Variants in PLAG1 observed in about 807,000 individuals in gnomAD.
PLAG1 encodes the protein zinc finger protein PLAG1.
Under a neutral mutation model 35.5 loss-of-function variants are expected in PLAG1, and 7 were observed. The ratio of observed to expected loss-of-function variants is 0.20; its 90% CI spans 0.11 to 0.37. PLAG1 has a LOEUF of 0.37. PLAG1 is among the 10% of genes least tolerant of loss of function. PLAG1 has a pLI of 1.00. For synonymous variants in PLAG1, 229 were observed against 225.4 expected, an observed-to-expected ratio of 1.02 and a Z score of -0.14; for missense variants, 454 against 602.8, an observed-to-expected ratio of 0.75 and a Z score of 2.58.
chr8:56,200,181 A>G (rs1216708779), intron 1 of PLAG1, among the ~76,000 whole-genome samples: 2 of 152,138 alleles, frequency 1.3e-5, no homozygotes, highest in Admixed American at 6.5e-5. Flanking sequence ...TCTTGGCTCT[A>G]CAGCTACCTC....
intron 1 of PLAG1, among the ~76,000 whole-genome samples, chr8:56,201,380 T>C (rs2129234332): frequency 6.6e-6 from 1 of 152,320 alleles, no homozygotes; most frequent in Admixed American, 6.5e-5. Flanking sequence ...TAAAATTACC[T>C]ATTTAAGATC....
intron 1 of PLAG1, among the ~76,000 whole-genome samples, chr8:56,210,081 C>T (rs902685870): frequency 6.6e-6 from 1 of 152,102 alleles, no homozygotes; most frequent in African/African-American, 2.4e-5. Context: ...CCCTGCTTCT[C>T]TTGCATCGGA....
At chr8:56,197,214 C>T (rs570091946) in intron 1 of PLAG1, among the ~76,000 whole-genome samples, 1 of 152,242 alleles carries the variant, frequency 6.6e-6, no homozygotes, top group South Asian at 2.1e-4. Flanking sequence ...TCCCCAAATC[C>T]TGGTGGGACT....
chr8:56,199,139 T>TGCGAAACCTGGGGAATGCC lies in PLAG1; in HGVS notation c.-322+11981_-322+11982insGGCATTCCCCAGGTTTCGC, dbSNP rs1485591179. 1.9e-4 allele frequency among the ~76,000 whole-genome samples: 29 copies of TGCGAAACCTGGGGAATGCC among 152,140 alleles called. 1 individual carries two copies. Among genetic ancestry groups the TGCGAAACCTGGGGAATGCC allele is most frequent in the Non-Finnish European group, 4.1e-4 (28 of 68,022 alleles). On this transcript the variant is annotated intron_variant, in intron 1 of 4. Coordinates refer to ENST00000316981, the MANE Select transcript of PLAG1 (RefSeq NM_002655.3). The stretch of plus-strand genomic sequence containing the variant: ...CACTGAGAAGTGGACTGGGGAATGC[T>TGCGAAACCTGGGGAATGCC]GCGAACCCTGGGGAATGCCAAAATG...
intron 3 of PLAG1, among the ~76,000 whole-genome samples, chr8:56,170,298 C>T (rs141939976): frequency 2.0e-5 from 3 of 152,238 alleles, no homozygotes; most frequent in Non-Finnish European, 2.9e-5. Flanking sequence ...CCAATGGTAA[C>T]ATATGTTCTT....
chr8:56,192,861 AC>A (rs1812228175), intron 1 of PLAG1, among the ~76,000 whole-genome samples: 1 of 152,192 alleles, frequency 6.6e-6, no homozygotes, highest in Non-Finnish European at 1.5e-5. Flanking sequence ...CAGAACTCAG[AC>A]TTGGGGGAAA....
At chr8:56,196,951 C>CGTGTGTGTGTGTGT (rs10534078) in intron 1 of PLAG1, among the ~76,000 whole-genome samples, 11 of 142,962 alleles carry the variant, frequency 7.7e-5, no homozygotes, top group African/African-American at 2.7e-4. Context: ...CCCTAGTGTG[C>CGTGTGTGTGTGTGT]GTGTGTGTGT....
At chr8:56,173,494 T>G (rs565641494) in intron 2 of PLAG1, among the ~76,000 whole-genome samples, 1 of 152,072 alleles carries the variant, frequency 6.6e-6, no homozygotes, top group South Asian at 2.1e-4. Context: ...TATATTCTCT[T>G]GTATAGGATT....
intron 1 of PLAG1, among the ~76,000 whole-genome samples, chr8:56,199,403 C>T (rs1812481699): frequency 6.6e-6 from 1 of 151,932 alleles, no homozygotes; most frequent in South Asian, 2.1e-4. Flanking sequence ...GGCAGGATAG[C>T]TAAAGAGTAA....
Position 56,163,210 on chromosome 8 carries a change from C to CT in PLAG1, c.*3032dup, listed in dbSNP as rs34779318. The CT allele has an allele frequency of 0.17, 16,569 of 97,138 alleles. 2,517 individuals carry two copies. Among genetic ancestry groups the CT allele is most frequent in the African/African-American group, 0.33 (6,489 of 19,908 alleles). 6.0% of individuals were successfully genotyped at this position (97,138 alleles called of 1,614,324 possible). On this transcript the variant is annotated 3_prime_UTR_variant, in exon 5 of 5. Transcript: ENST00000316981. ...AACTACTTTTATTTAATGTTAATCC[C>CT]TTTTTTTTTTTTTTTTTTTTTTTTT...
intron 1 of PLAG1, among the ~76,000 whole-genome samples, chr8:56,183,720 T>A (rs949942173): frequency 6.6e-6 from 1 of 152,126 alleles, no homozygotes; most frequent in East Asian, 1.9e-4. Flanking sequence ...TCAGAAAAAA[T>A]TATTTCACCA....
intron 1 of PLAG1, among the ~76,000 whole-genome samples, chr8:56,196,094 G>C (rs1248799157): frequency 6.6e-6 from 1 of 152,184 alleles, no homozygotes; most frequent in Non-Finnish European, 1.5e-5. Flanking sequence ...GTGCTGTCTA[G>C]GGAGCAGAGG....
chr8:56,205,605 T>C (rs1319916356), intron 1 of PLAG1, among the ~76,000 whole-genome samples: 6 of 151,928 alleles, frequency 3.9e-5, no homozygotes, highest in Non-Finnish European at 8.8e-5. Flanking sequence ...ATTGTTATTT[T>C]ACTCTGAAAT....
rs553035065 is a variant in PLAG1 at position 56,188,325 on chromosome 8, C to G, written c.-321-8812G>C. 2.0e-5 allele frequency among the ~76,000 whole-genome samples: 3 copies of G among 152,266 alleles called. No homozygotes were observed. In the East Asian group the frequency reaches 5.8e-4, roughly 29 times the overall value. On this transcript the variant is annotated intron_variant, in intron 1 of 4. Transcript: ENST00000316981. ...TGATACGGGAAAAAAAATGAATACT[C>G]AACTAAGATTCATACCGCAAAGGAG...
chr8:56,186,151 G>C, intron 1 of PLAG1, among the ~76,000 whole-genome samples: 1 of 152,158 alleles, frequency 6.6e-6, no homozygotes, highest in East Asian at 1.9e-4. Context: ...CCATGGACGT[G>C]TCATGTCAGA....
intron 2 of PLAG1, among the ~76,000 whole-genome samples, chr8:56,179,023 C>CAAAAAA (rs1173709224): frequency 4.7e-5 from 2 of 42,932 alleles, no homozygotes; most frequent in Non-Finnish European, 8.8e-5. Flanking sequence ...GCCCAGGAGA[C>CAAAAAA]AAAAAAAAAA....
chr8:56,175,777 C>A (rs529678063), intron 2 of PLAG1, among the ~76,000 whole-genome samples: 12 of 152,074 alleles, frequency 7.9e-5, no homozygotes, highest in Non-Finnish European at 1.3e-4. Context: ...CTGTAAGAAC[C>A]AACAGGAAAA....
At chr8:56,203,120 G>GA (rs771052870) in intron 1 of PLAG1, among the ~76,000 whole-genome samples, 2 of 151,344 alleles carry the variant, frequency 1.3e-5, no homozygotes, top group African/African-American at 2.4e-5. Context: ...CCACATATTT[G>GA]AAAAAAAACT....
intron 2 of PLAG1, among the ~76,000 whole-genome samples, chr8:56,172,460 ATACT>A (rs1381528678): frequency 6.6e-6 from 1 of 152,218 alleles, no homozygotes; most frequent in Non-Finnish European, 1.5e-5. Flanking sequence ...AACTTTGCAA[ATACT>A]TACTTGCCCA....
Sources: allele counts gnomAD v4.1 joint callset (sites outside exome capture counted in the v4.1 genomes callset), GRCh38; gene constraint gnomAD v4.1.1; transcripts MANE v1.5; gene names NCBI Gene and HGNC (gene_info 2026-07-23, HGNC 2026-07-21).